Variants in COL4A1 observed in about 807,000 individuals in gnomAD.
The protein encoded by COL4A1 is collagen type IV alpha 1 chain.
COL4A1 carries 40 observed loss-of-function variants against 216.6 expected under a neutral mutation model. The ratio of observed to expected loss-of-function variants is 0.18; its 90% CI spans 0.14 to 0.24. The LOEUF (loss-of-function observed/expected upper bound fraction) is 0.24. Ranked by LOEUF, COL4A1 falls within the 10% of genes least tolerant of loss-of-function variation. The pLI is 1.00. For synonymous variants in COL4A1, 839 were observed against 810.7 expected (o/e 1.03, Z -0.59); for missense variants, 1,628 against 2,196.8 (o/e 0.74, Z 5.18).
intron 2 of COL4A1, among the ~76,000 whole-genome samples, chr13:110,233,299 C>A (rs1202468606): frequency 6.6e-6 from 1 of 151,864 alleles, no homozygotes; most frequent in Admixed American, 6.6e-5. Flanking sequence ...AAATAGGGGA[C>A]ATCTGGAAAA....
chr13:110,299,580 A>G (rs1342645747), intron 1 of COL4A1, among the ~76,000 whole-genome samples: 1 of 152,144 alleles, frequency 6.6e-6, no homozygotes, highest in African/African-American at 2.4e-5. Context: ...CCCATCATAC[A>G]CATGAGGAAG....
intron 21 of COL4A1, among the ~76,000 whole-genome samples, chr13:110,196,872 G>A (rs4773132): frequency 0.26 from 40,063 of 152,084 alleles, 5,481 homozygotes; most frequent in Admixed American, 0.32. Flanking sequence ...GCTTTAAGAT[G>A]TAGCCTCTTT....
chr13:110,193,029 GTT>G, intron 22 of COL4A1, 116 bp from the exon 23 acceptor site: 5 of 950,010 alleles, frequency 5.3e-6, no homozygotes, highest in Non-Finnish European at 6.7e-6. Flanking sequence ...CCAAACTTAG[GTT>G]TGCTCAGTGG....
chr13:110,296,857 C>T (rs1374188482), intron 1 of COL4A1, among the ~76,000 whole-genome samples: 2 of 152,292 alleles, frequency 1.3e-5, no homozygotes, highest in East Asian at 1.9e-4. Context: ...CAGGGAAACC[C>T]TTATGTTTAC....
intron 1 of COL4A1, among the ~76,000 whole-genome samples, chr13:110,250,080 A>C (rs1015955693): frequency 6.6e-6 from 1 of 152,140 alleles, no homozygotes; most frequent in African/African-American, 2.4e-5. Context: ...TAGGTAAATA[A>C]AATAATATTT....
At chr13:110,167,038 A>G (rs1877376325) in intron 44 of COL4A1, 120 bp downstream of exon 44, 3 of 835,352 alleles carry the variant, frequency 3.6e-6, no homozygotes, top group Non-Finnish European at 4.2e-6. Context: ...TTTGAAGAGA[A>G]CAGTATCTCG....
intron 1 of COL4A1, among the ~76,000 whole-genome samples, chr13:110,256,728 T>G (rs1329818450): frequency 6.8e-6 from 1 of 148,020 alleles, no homozygotes; most frequent in Non-Finnish European, 1.5e-5. Flanking sequence ...ACTCTATTCA[T>G]GCCCCAGACC....
intron 41 of COL4A1, among the ~76,000 whole-genome samples, chr13:110,171,020 G>A (rs192787471): frequency 1.5e-3 from 226 of 152,358 alleles, no homozygotes; most frequent in Non-Finnish European, 2.3e-3. Context: ...AAAGGCATCT[G>A]AATTGTGTTT....
At chr13:110,194,701 A>G (rs953212588) in intron 22 of COL4A1, among the ~76,000 whole-genome samples, 3 of 152,168 alleles carry the variant, frequency 2.0e-5, no homozygotes, top group Admixed American at 2.0e-4. Context: ...CAAACACTGA[A>G]TGGAAAGATT....
At chr13:110,158,236 C>CA (rs938396616) in intron 49 of COL4A1, among the ~76,000 whole-genome samples, 38 of 151,916 alleles carry the variant, frequency 2.5e-4, no homozygotes, top group South Asian at 4.1e-4. Context: ...TCTTATAGCT[C>CA]AAAAAAAATC....
intron 45 of COL4A1, among the ~76,000 whole-genome samples, chr13:110,165,195 T>C (rs766401780): frequency 6.6e-4 from 101 of 152,250 alleles, no homozygotes; most frequent in Non-Finnish European, 1.2e-3. Flanking sequence ...TCCTGAACTC[T>C]CGGGCAAAGG....
At chr13:110,176,807 T>C in intron 34 of COL4A1, 78 bp downstream of exon 34, 1 of 1,613,986 alleles carries the variant, frequency 6.2e-7, no homozygotes, top group Non-Finnish European at 8.5e-7. Flanking sequence ...GTTTGGTTAT[T>C]ATTTATGGAG....
chr13:110,225,544 T>C (rs1263751702), intron 2 of COL4A1, among the ~76,000 whole-genome samples: 1 of 152,080 alleles, frequency 6.6e-6, no homozygotes, highest in African/African-American at 2.4e-5. Context: ...GATCATGCCA[T>C]TGCACTCCAG....
chr13:110,168,195 A>G (rs1877431804), intron 43 of COL4A1, among the ~76,000 whole-genome samples: 1 of 152,088 alleles, frequency 6.6e-6, no homozygotes, highest in Non-Finnish European at 1.5e-5. Context: ...GTGCATTTTT[A>G]GTAGAGACAG....
intron 33 of COL4A1, 136 bp downstream of exon 33, chr13:110,177,706 A>G (rs1209518882): frequency 1.1e-6 from 1 of 872,412 alleles, no homozygotes; most frequent in Non-Finnish European, 1.9e-6. Context: ...GGGGTCTCCC[A>G]GCCTTCTGCT....
intron 8 of COL4A1, among the ~76,000 whole-genome samples, chr13:110,210,616 C>T (rs183386829): frequency 3.2e-4 from 48 of 152,296 alleles, no homozygotes; most frequent in Non-Finnish European, 5.7e-4. Context: ...TATAAAAGCA[C>T]GGCGTAATGG....
chr13:110,291,584 AC>A (rs1184076470), intron 1 of COL4A1, among the ~76,000 whole-genome samples: 1 of 151,988 alleles, frequency 6.6e-6, no homozygotes, highest in African/African-American at 2.4e-5. Flanking sequence ...CTTATCACCC[AC>A]CCCATGTCAA....
intron 2 of COL4A1, among the ~76,000 whole-genome samples, chr13:110,217,581 G>C (rs1880151861): frequency 6.6e-6 from 1 of 152,202 alleles, no homozygotes; most frequent in Non-Finnish European, 1.5e-5. Flanking sequence ...ATGGAAGAAA[G>C]AAACGAGAAA....
intron 48 of COL4A1, 117 bp downstream of exon 48, chr13:110,162,113 G>A (rs112609553): frequency 3.9e-5 from 37 of 959,764 alleles, no homozygotes; most frequent in African/African-American, 9.6e-5. Flanking sequence ...CCCTCATGGC[G>A]CAGTGTTTCA....
Sources: allele counts gnomAD v4.1 joint callset (sites outside exome capture counted in the v4.1 genomes callset), GRCh38; gene constraint gnomAD v4.1.1; transcripts MANE v1.5; gene names NCBI Gene and HGNC (gene_info 2026-07-23, HGNC 2026-07-21).